EPB41L1: variants seen among roughly 807,000 people sequenced by gnomAD.
EPB41L1 encodes the protein erythrocyte membrane protein band 4.1 like 1.
A neutral mutation model predicts 97.8 loss-of-function variants in EPB41L1; 29 were observed. The ratio of observed to expected loss-of-function variants is 0.30; its 90% confidence interval spans 0.22 to 0.40. EPB41L1 has a LOEUF of 0.40. Among genes scored for constraint, EPB41L1 ranks in the 10% least tolerant of loss-of-function variants. The pLI is 1.00. For synonymous variants in EPB41L1, 383 were observed against 459.2 expected, an observed-to-expected ratio of 0.83 and a Z score of 2.12; for missense variants, 812 against 1,162.3, an observed-to-expected ratio of 0.70 and a Z score of 4.38.
intron 1 of EPB41L1, among the ~76,000 whole-genome samples, chr20:36,160,843 G>A (rs940091077): frequency 2.0e-5 from 3 of 152,032 alleles, no homozygotes; most frequent in African/African-American, 7.3e-5. Context: ...AAAAATTTTT[G>A]CAATAGGTAT....
chr20:36,186,657 G>A (rs2061693786), intron 7 of EPB41L1, among the ~76,000 whole-genome samples: 1 of 152,156 alleles, frequency 6.6e-6, no homozygotes, highest in Non-Finnish European at 1.5e-5. Context: ...TGGCCTGCCT[G>A]CCATCTATTT....
intron 11 of EPB41L1, among the ~76,000 whole-genome samples, chr20:36,192,116 C>G (rs2061980076): frequency 6.6e-6 from 1 of 152,090 alleles, no homozygotes; most frequent in African/African-American, 2.4e-5. Context: ...ATCTCAGCTA[C>G]TCGGGAGGCT....
chr20:36,194,385 C>T (rs1216734573), intron 12 of EPB41L1, 25 bp downstream of exon 12: 14 of 1,583,756 alleles, frequency 8.8e-6, no homozygotes, highest in Non-Finnish European at 1.2e-5. Flanking sequence ...TTCTCATACT[C>T]TCTGCCCTGG....
chr20:36,140,562 C>G (rs998266464), intron 2 of EPB41L1, among the ~76,000 whole-genome samples: 1 of 152,114 alleles, frequency 6.6e-6, no homozygotes, highest in Non-Finnish European at 1.5e-5. Flanking sequence ...GTTGCTAATA[C>G]TTTTATTATT....
upstream of EPB41L1, among the ~76,000 whole-genome samples, chr20:36,153,642 A>G (rs964361062): frequency 1.4e-4 from 22 of 152,088 alleles, no homozygotes; most frequent in African/African-American, 5.3e-4. Context: ...TTCGCCATGA[A>G]CTAGGGACCC....
rs189198096 is a variant in EPB41L1 at position 36,168,679 on chromosome 20, G to A, written c.-14-5085G>A. Among the ~76,000 whole-genome samples, 18 of 151,818 alleles carry A rather than the reference G, an allele frequency of 1.2e-4. No homozygotes were observed. The East Asian group carries it at 3.4e-3, about 28-fold the overall frequency. The stretch of plus-strand genomic sequence containing the variant: ...TGAGTAGCTGGGATTACAGCCTCCC[G>A]AGTAGCTGGGATTACAGGCACGTGC... On this transcript the variant is annotated intron_variant, in intron 1 of 21. Transcript: ENST00000338074.
chr20:36,128,807 C>T (rs757759280), intron 2 of EPB41L1, among the ~76,000 whole-genome samples: 1 of 124,262 alleles, frequency 8.0e-6, no homozygotes, highest in Non-Finnish European at 1.7e-5. Context: ...CCTAGCCTCT[C>T]TCCACCTCTG....
Position 36,190,137 on chromosome 20 carries a change from C to T in EPB41L1, c.1027-140C>T, listed in dbSNP as rs972639506. 2.8e-6 allele frequency: 2 copies of T among 710,124 alleles called. No homozygotes were observed. Among genetic ancestry groups the T allele is most frequent in the Non-Finnish European group, 5.0e-6 (2 of 403,232 alleles). The allele number at this position is 710,124 out of a possible 1,614,324, so 44.0% of individuals were successfully genotyped here. A position where few individuals can be genotyped will look rare whatever the true frequency, so the allele number is the denominator to read the frequency against. ...GTTACAGTGAGCTATGATTGCGCCACTGTACTCCACCCTGGGCAAATGATC... is the reference window on the plus strand; with the variant it reads ...GTTACAGTGAGCTATGATTGCGCCATTGTACTCCACCCTGGGCAAATGATC... On this transcript the variant is annotated intron_variant, in intron 9 of 21. Transcript: ENST00000338074. The surrounding 1 kb of genome is among the most constrained non-coding windows in gnomAD (Gnocchi z 5.8).
intron 2 of EPB41L1, among the ~76,000 whole-genome samples, chr20:36,141,325 C>T (rs899333138): frequency 1.3e-5 from 2 of 152,052 alleles, no homozygotes; most frequent in African/African-American, 2.4e-5. Context: ...AGGTTCACTA[C>T]GACTGTCATC....
chr20:36,156,547 G>C (rs993592825), intron 1 of EPB41L1, among the ~76,000 whole-genome samples: 2 of 152,216 alleles, frequency 1.3e-5, no homozygotes, highest in Non-Finnish European at 2.9e-5. Context: ...TCCACCTCTT[G>C]TTCTGGGGCT....
At chr20:36,229,296 C>T in intron 21 of EPB41L1, 36 bp from the exon 22 acceptor site, 1 of 1,575,088 alleles carries the variant, frequency 6.3e-7, no homozygotes, top group Non-Finnish European at 8.7e-7. Context: ...CCCCCACTCC[C>T]CACCCCCCAT....
chr20:36,215,559 A>G (rs2063393262), intron 17 of EPB41L1, among the ~76,000 whole-genome samples: 2 of 152,152 alleles, frequency 1.3e-5, no homozygotes, highest in Non-Finnish European at 2.9e-5. Flanking sequence ...AATAAGTCCA[A>G]ACTAGTTACC....
chr20:36,102,044 A>C (rs923446916), intron 1 of EPB41L1, among the ~76,000 whole-genome samples: 2 of 148,818 alleles, frequency 1.3e-5, no homozygotes, highest in African/African-American at 2.5e-5. Context: ...AACAAAAAAA[A>C]CAAAAAAACC....
At chr20:36,193,168 G>T (rs1307233290) in intron 11 of EPB41L1, among the ~76,000 whole-genome samples, 1 of 152,176 alleles carries the variant, frequency 6.6e-6, no homozygotes, top group Admixed American at 6.5e-5. Flanking sequence ...CCCAGAGCTG[G>T]TGAAGCTCAT....
At position 36,173,777 on chromosome 20, in the gene EPB41L1, C is replaced by T. The variant is rs377478345; in HGVS notation, c.-1C>T. Reference sequence around the variant, plus strand: ...ATGCCAATGCAGGCGTGCTGGTCACCATGACAACAGAGACAGGCCCCGACT... The same window carrying T: ...ATGCCAATGCAGGCGTGCTGGTCACTATGACAACAGAGACAGGCCCCGACT... On this transcript the variant is annotated 5_prime_UTR_variant, in exon 2 of 22. Coordinates refer to ENST00000338074, the MANE Select transcript of EPB41L1 (RefSeq NM_012156.2). 19 of 1,614,018 alleles carry T rather than the reference C, an allele frequency of 1.2e-5. No homozygotes were observed. In the African/African-American group the frequency reaches 2.3e-4, roughly 19 times the overall value.
chr20:36,154,703 G>C, upstream of EPB41L1: 6 of 983,906 alleles, frequency 6.1e-6, no homozygotes, highest in Non-Finnish European at 6.0e-6. This position sits in a 1 kb window ranked among gnomAD's most constrained non-coding sequence, Gnocchi z 5.5. Flanking sequence ...CCAGCCCCTG[G>C]CGCACGCCGA....
At chr20:36,193,573 T>C (rs1321191107) in intron 11 of EPB41L1, among the ~76,000 whole-genome samples, 1 of 152,228 alleles carries the variant, frequency 6.6e-6, no homozygotes, top group Admixed American at 6.5e-5. Flanking sequence ...CTTCCTTTCC[T>C]ATTCAGAAAA....
At position 36,214,456 on chromosome 20, in the gene EPB41L1, G is replaced by A. The variant is rs202108517; in HGVS notation, c.2268+16G>A. ...GACCACCATGGTAAGTTGAACCCAGGAGGCTTCCCTCTCTGACCAGCCCCC... is the reference window on the plus strand; with the variant it reads ...GACCACCATGGTAAGTTGAACCCAGAAGGCTTCCCTCTCTGACCAGCCCCC... On this transcript the variant is annotated intron_variant, in intron 17 of 21. Coordinates refer to ENST00000338074, the MANE Select transcript of EPB41L1 (RefSeq NM_012156.2). 1.0e-5 allele frequency: 16 copies of A among 1,606,652 alleles called. No individual in the cohort carries two copies. In the East Asian group the frequency reaches 3.1e-4, roughly 31 times the overall value.
chr20:36,155,747 G>C (rs1600644098), intron 1 of EPB41L1: 1 of 426,214 alleles, frequency 2.3e-6, no homozygotes, highest in Middle Eastern at 3.4e-4. Context: ...TCGGAGCTCT[G>C]AGGATGCATT....
Sources: allele counts gnomAD v4.1 joint callset (sites outside exome capture counted in the v4.1 genomes callset), GRCh38; gene constraint gnomAD v4.1.1; non-coding constraint Gnocchi (gnomAD v3.1); transcripts MANE v1.5; gene names NCBI Gene and HGNC (gene_info 2026-07-23, HGNC 2026-07-21).